EMCN: variants seen among roughly 807,000 people sequenced by gnomAD.
The protein encoded by EMCN is endomucin.
EMCN carries 37 observed loss-of-function variants against 38.4 expected under a neutral mutation model. The ratio of observed to expected loss-of-function variants is 0.96; its 90% CI spans 0.74 to 1.27. The LOEUF (loss-of-function observed/expected upper bound fraction) is 1.27, where lower values mean the gene tolerates loss of function less well. Among genes scored for constraint, EMCN ranks in the 50% most tolerant of loss-of-function variants. The pLI, the probability that EMCN is intolerant of heterozygous loss-of-function variation, is 0.00. For missense variants in EMCN, 318 were observed against 302.8 expected, an observed-to-expected ratio of 1.05 and a Z score of -0.37; for synonymous variants, 95 against 100.8, an observed-to-expected ratio of 0.94 and a Z score of 0.35.
intron 5 of EMCN, among the ~76,000 whole-genome samples, chr4:100,439,805 A>T (rs1489428907): frequency 1.3e-5 from 2 of 151,794 alleles, no homozygotes; most frequent in African/African-American, 4.8e-5. Context: ...GCTACATTTC[A>T]TAGGTTTTGG....
chr4:100,415,192 C>T (rs757378001), intron 10 of EMCN, among the ~76,000 whole-genome samples: 7 of 152,152 alleles, frequency 4.6e-5, no homozygotes, highest in African/African-American at 9.7e-5. Flanking sequence ...CCATAGCTCC[C>T]GGCCAGATTA....
At chr4:100,503,457 C>T (rs1729401582) in intron 1 of EMCN, among the ~76,000 whole-genome samples, 2 of 152,182 alleles carry the variant, frequency 1.3e-5, no homozygotes, top group Admixed American at 1.3e-4. Flanking sequence ...TTTCTGCTCT[C>T]TTGATTAGTA....
chr4:100,464,394 T>C (rs1728260959), intron 4 of EMCN, among the ~76,000 whole-genome samples: 1 of 152,092 alleles, frequency 6.6e-6, no homozygotes, highest in South Asian at 2.1e-4. Context: ...TTATCCATTG[T>C]TGAATTGTAC....
chr4:100,422,906 C>A, intron 7 of EMCN, 115 bp downstream of exon 7: 1 of 954,716 alleles, frequency 1.0e-6, no homozygotes. Flanking sequence ...AATGGGATTG[C>A]AGGCTCAGTA....
Position 100,415,975 on chromosome 4 carries a change from A to T in EMCN, c.690-16T>A. On this transcript the variant is annotated splice_polypyrimidine_tract_variant and intron_variant, in intron 9 of 11. Coordinates refer to ENST00000296420, the MANE Select transcript of EMCN (RefSeq NM_016242.4). ...AGACTGAGGTCTATTTGAAAAAAAAAACATGAAATTAACACCACAGTAATC... is the reference window on the plus strand; with the variant it reads ...AGACTGAGGTCTATTTGAAAAAAAATACATGAAATTAACACCACAGTAATC... 3.2e-6 allele frequency: 5 copies of T among 1,556,002 alleles called. No individual in the cohort carries two copies. The highest frequency in any genetic ancestry group is 4.4e-6 in the Non-Finnish European group (5 of 1,144,684).
chr4:100,491,654 G>A (rs751789571), intron 1 of EMCN, among the ~76,000 whole-genome samples: 1 of 152,190 alleles, frequency 6.6e-6, no homozygotes, highest in Non-Finnish European at 1.5e-5. Flanking sequence ...GGTACCACTT[G>A]ACCAAGGAAT....
chr4:100,410,309 T>A lies in EMCN; in HGVS notation c.*12A>T. On this transcript the variant is annotated 3_prime_UTR_variant, in exon 11 of 12. Transcript: ENST00000296420. ...AATTATTGCCTAGGTGTGGAGAGAA[T>A]TCCTCAAGCTGTCAGTTCTTGGTTT... 4 of 1,612,898 alleles carry A rather than the reference T, an allele frequency of 2.5e-6. No individual in the cohort carries two copies. The South Asian group carries it at 4.4e-5, about 18-fold the overall frequency.
intron 3 of EMCN, among the ~76,000 whole-genome samples, chr4:100,468,471 T>C (rs2110266996): frequency 6.6e-6 from 1 of 152,278 alleles, no homozygotes; most frequent in Non-Finnish European, 1.5e-5. Context: ...CTTTATTCCT[T>C]TGGAATTACA....
chr4:100,507,883 T>C (rs1033135548), intron 1 of EMCN, among the ~76,000 whole-genome samples: 2 of 152,190 alleles, frequency 1.3e-5, no homozygotes, highest in African/African-American at 4.8e-5. Flanking sequence ...GTTTTTTTGT[T>C]GATGTGTACT....
chr4:100,413,055 A>G (rs890161554), intron 10 of EMCN, among the ~76,000 whole-genome samples: 1 of 152,138 alleles, frequency 6.6e-6, no homozygotes. Context: ...AACATTGTTT[A>G]TTGGTCTGTA....
chr4:100,490,417 G>A (rs1272230063), intron 1 of EMCN, among the ~76,000 whole-genome samples: 1 of 152,110 alleles, frequency 6.6e-6, no homozygotes, highest in Non-Finnish European at 1.5e-5. Flanking sequence ...AGTATACAGT[G>A]TTTATACAGT....
chr4:100,454,155 C>T (rs1727933886), intron 4 of EMCN, among the ~76,000 whole-genome samples: 1 of 146,858 alleles, frequency 6.8e-6, no homozygotes, highest in Non-Finnish European at 1.5e-5. Context: ...CACATGTACC[C>T]TAAAACTTAA....
intron 5 of EMCN, among the ~76,000 whole-genome samples, chr4:100,440,488 A>G (rs1172619669): frequency 6.6e-6 from 1 of 152,032 alleles, no homozygotes; most frequent in African/African-American, 2.4e-5. Context: ...AGAATATACA[A>G]TGTTTGGTTT....
intron 2 of EMCN, among the ~76,000 whole-genome samples, chr4:100,475,491 G>A (rs1169185442): frequency 6.6e-6 from 1 of 151,062 alleles, no homozygotes; most frequent in East Asian, 1.9e-4. Context: ...TAGGACTTAG[G>A]AGTATCATGC....
chr4:100,405,685 C>A (rs1014052406), intron 11 of EMCN, among the ~76,000 whole-genome samples: 1 of 151,912 alleles, frequency 6.6e-6, no homozygotes, highest in Non-Finnish European at 1.5e-5. Flanking sequence ...CTGAAGTTTT[C>A]TTTGTTCATT....
chr4:100,510,403 A>C (rs567381575), intron 1 of EMCN, among the ~76,000 whole-genome samples: 27 of 152,318 alleles, frequency 1.8e-4, no homozygotes, highest in Non-Finnish European at 1.3e-4. Context: ...TTCTATTGTG[A>C]AAAATTTTCA....
At chr4:100,438,307 G>A (rs1326055787) in intron 5 of EMCN, among the ~76,000 whole-genome samples, 1 of 152,018 alleles carries the variant, frequency 6.6e-6, no homozygotes, top group Non-Finnish European at 1.5e-5. Flanking sequence ...TTCAACGTAT[G>A]ATGGGTTTAT....
At chr4:100,455,667 C>T (rs1052475456) in intron 4 of EMCN, among the ~76,000 whole-genome samples, 5 of 151,524 alleles carry the variant, frequency 3.3e-5, no homozygotes, top group Non-Finnish European at 7.4e-5. Flanking sequence ...TCTTTATCTC[C>T]GGTTTTCCAT....
Position 100,457,865 on chromosome 4 carries a change from T to A in EMCN, c.376+7558A>T, listed in dbSNP as rs148074584. On this transcript the variant is annotated intron_variant, in intron 4 of 11. Coordinates refer to ENST00000296420, the MANE Select transcript of EMCN (RefSeq NM_016242.4). Reference sequence around the variant, plus strand: ...TGGGTGTGGTGGCTCACACCTGTAATCCCAGGACGTTGGGAGGCTCAGGTG... The same window carrying A: ...TGGGTGTGGTGGCTCACACCTGTAAACCCAGGACGTTGGGAGGCTCAGGTG... Among the ~76,000 whole-genome samples the A allele has an allele frequency of 4.8e-3, 724 of 152,262 alleles. 11 individuals carry two copies. Among genetic ancestry groups the A allele is most frequent in the African/African-American group, 0.016 (684 of 41,556 alleles).
Sources: allele counts gnomAD v4.1 joint callset (sites outside exome capture counted in the v4.1 genomes callset), GRCh38; gene constraint gnomAD v4.1.1; transcripts MANE v1.5; gene names NCBI Gene and HGNC (gene_info 2026-07-23, HGNC 2026-07-21).